EPHX2: variants seen among roughly 807,000 people sequenced by gnomAD.
EPHX2 encodes bifunctional epoxide hydrolase 2.
In EPHX2, 74 loss-of-function variants were observed where a neutral mutation model predicts 78.7. The ratio of observed to expected loss-of-function variants is 0.94; its 90% CI spans 0.78 to 1.14. EPHX2 has a LOEUF of 1.14. EPHX2 is among the 50% of genes most tolerant of loss of function. The pLI is 0.00. For missense variants in EPHX2, 715 were observed against 702.5 expected (o/e 1.02, Z -0.20); for synonymous variants, 251 against 255.2 (o/e 0.98, Z 0.16).
At position 27,541,835 on chromosome 8, in the gene EPHX2, G is replaced by T. The variant is rs72477600; in HGVS notation, c.1449+293G>T. On this transcript the variant is annotated intron_variant, in intron 16 of 18. Transcript: ENST00000521400. The stretch of plus-strand genomic sequence containing the variant: ...CCAGGTCCCCTGGTGGTACCCCAAG[G>T]CAGGGCTGCAGATGGCCTGGGGCAC... Among the ~76,000 whole-genome samples, 94 of 152,274 alleles carry T rather than the reference G, an allele frequency of 6.2e-4. 2 individuals carry two copies. The East Asian group carries it at 0.018, about 29-fold the overall frequency.
At chr8:27,546,742 A>T (rs1399911919), downstream of EPHX2, among the ~76,000 whole-genome samples, 1 of 152,264 alleles carries the variant, frequency 6.6e-6, no homozygotes, top group East Asian at 1.9e-4. Flanking sequence ...GTAAGAGTTG[A>T]ATAACTCCAT....
At chr8:27,510,801 T>C (rs1814210535) in intron 5 of EPHX2, among the ~76,000 whole-genome samples, 1 of 150,376 alleles carries the variant, frequency 6.6e-6, no homozygotes. Context: ...AAAAAAAAAA[T>C]AGCTGGCCGT....
chr8:27,522,978 A>G (rs964468943), intron 11 of EPHX2, among the ~76,000 whole-genome samples: 2 of 151,370 alleles, frequency 1.3e-5, no homozygotes, highest in East Asian at 1.9e-4. Context: ...AAAAAAAAAA[A>G]AAAAAAAAAG....
chr8:27,502,971 C>T (rs1000852319), intron 2 of EPHX2, among the ~76,000 whole-genome samples: 4 of 152,000 alleles, frequency 2.6e-5, no homozygotes, highest in African/African-American at 9.7e-5. Flanking sequence ...GTGTTTGTGC[C>T]CCCCGCCCAA....
intron 11 of EPHX2, among the ~76,000 whole-genome samples, chr8:27,523,831 A>G (rs940860674): frequency 1.3e-5 from 2 of 152,174 alleles, no homozygotes; most frequent in African/African-American, 4.8e-5. Flanking sequence ...GGGTTCACCA[A>G]AAAGTTACCC....
intron 1 of EPHX2, among the ~76,000 whole-genome samples, chr8:27,498,833 G>T (rs1193689780): frequency 6.6e-6 from 1 of 152,182 alleles, no homozygotes; most frequent in Non-Finnish European, 1.5e-5. Context: ...TAAATTTACT[G>T]CAAATCATTG....
downstream of EPHX2, among the ~76,000 whole-genome samples, chr8:27,546,307 A>G (rs1283811365): frequency 6.6e-6 from 1 of 152,150 alleles, no homozygotes; most frequent in African/African-American, 2.4e-5. Flanking sequence ...TGGTTGTATC[A>G]AGTATGTTAA....
intron 15 of EPHX2, 126 bp from the exon 16 acceptor site, chr8:27,541,347 C>A (rs1189765998): frequency 1.2e-5 from 12 of 981,378 alleles, no homozygotes; most frequent in Non-Finnish European, 1.7e-5. Context: ...GCTCTATTCT[C>A]TTGCCCCTGC....
At chr8:27,540,528 A>C in intron 14 of EPHX2, 26 bp from the exon 15 acceptor site, 1 of 1,609,494 alleles carries the variant, frequency 6.2e-7, no homozygotes, top group South Asian at 1.1e-5. Context: ...GGGGATGGGA[A>C]AGTCAACAAG....
At chr8:27,536,877 A>C (rs1815231249) in intron 13 of EPHX2, 22 bp downstream of exon 13, 1 of 1,613,472 alleles carries the variant, frequency 6.2e-7, no homozygotes, top group East Asian at 2.2e-5. Context: ...GGATGGGTGC[A>C]GAAGAACAGG....
At chr8:27,534,185 A>G (rs1815136178) in intron 12 of EPHX2, among the ~76,000 whole-genome samples, 1 of 152,220 alleles carries the variant, frequency 6.6e-6, no homozygotes, top group African/African-American at 2.4e-5. Flanking sequence ...TGGCACCATT[A>G]TAATTGAATC....
At chr8:27,534,780 T>A (rs753455097) in intron 12 of EPHX2, among the ~76,000 whole-genome samples, 1 of 152,234 alleles carries the variant, frequency 6.6e-6, no homozygotes, top group Non-Finnish European at 1.5e-5. Context: ...CAGCCACAGA[T>A]GCTGCTGAGA....
chr8:27,499,434 T>C (rs1463395810), intron 1 of EPHX2, among the ~76,000 whole-genome samples: 3 of 152,196 alleles, frequency 2.0e-5, no homozygotes, highest in East Asian at 3.9e-4. Context: ...TGTCTCCATA[T>C]AGTTGGTCCA....
chr8:27,537,162 G>A (rs1815241228), intron 13 of EPHX2, among the ~76,000 whole-genome samples: 1 of 152,154 alleles, frequency 6.6e-6, no homozygotes, highest in South Asian at 2.1e-4. Context: ...TGAAGCAGAG[G>A]AGTTTAGAAA....
chr8:27,498,183 G>A (rs1813641873), intron 1 of EPHX2, among the ~76,000 whole-genome samples: 1 of 152,180 alleles, frequency 6.6e-6, no homozygotes, highest in East Asian at 1.9e-4. Flanking sequence ...GAGGGAGAAG[G>A]GGATATATAC....
chr8:27,522,421 A>G lies in EPHX2; in HGVS notation c.973-2A>G, dbSNP rs753537234. ...TCGGCTCCCTTCTTTTTCCTTCTCT[A>G]GGGCCTCTCTCAAGCAGTGTTCATT... On this transcript the variant is annotated splice_acceptor_variant, in intron 10 of 18. Coordinates refer to ENST00000521400, the MANE Select transcript of EPHX2 (RefSeq NM_001979.6). LOFTEE classifies it high-confidence loss of function. 1.2e-6 allele frequency: 2 copies of G among 1,613,610 alleles called. No homozygotes were observed. Among genetic ancestry groups the G allele is most frequent in the Admixed American group, 1.7e-5 (1 of 60,006 alleles).
chr8:27,501,324 T>TTTCTTCTTCTTCTTCTTCCTC (rs1813763176), intron 2 of EPHX2, among the ~76,000 whole-genome samples: 1 of 102,914 alleles, frequency 9.7e-6, no homozygotes, highest in Non-Finnish European at 2.0e-5. Flanking sequence ...TGCTATATAT[T>TTTCTTCTTCTTCTTCTTCCTC]TTCTTCTTCT....
At chr8:27,504,857 C>T (rs1585190361) in intron 3 of EPHX2, 99 bp from the exon 4 acceptor site, 1 of 1,279,024 alleles carries the variant, frequency 7.8e-7, no homozygotes, top group Admixed American at 2.0e-5. Context: ...AAAGTGAGCA[C>T]AACCTGCTTG....
chr8:27,546,156 C>G (rs1224510888), downstream of EPHX2, among the ~76,000 whole-genome samples: 1 of 151,778 alleles, frequency 6.6e-6, no homozygotes, highest in African/African-American at 2.4e-5. Context: ...GAGAAGTTCT[C>G]CTTTCTAAAT....
Sources: allele counts gnomAD v4.1 joint callset (sites outside exome capture counted in the v4.1 genomes callset), GRCh38; gene constraint gnomAD v4.1.1; transcripts MANE v1.5; gene names NCBI Gene and HGNC (gene_info 2026-07-23, HGNC 2026-07-21).